PTPRJ: variants seen among roughly 807,000 people sequenced by gnomAD.
The protein encoded by PTPRJ is receptor-type tyrosine-protein phosphatase eta.
Under a neutral mutation model 141.3 loss-of-function variants are expected in PTPRJ, and 129 were observed. The ratio of observed to expected loss-of-function variants is 0.91; its 90% confidence interval spans 0.79 to 1.06. The LOEUF is 1.06. PTPRJ is among the 50% of genes least tolerant of loss of function. The probability of loss-of-function intolerance (pLI) is 0.00; values close to 1 mark genes in which losing one functional copy is unlikely to be tolerated. For synonymous variants in PTPRJ, 610 were observed against 640.5 expected, an observed-to-expected ratio of 0.95 and a Z score of 0.72; for missense variants, 1,601 against 1,679.7, an observed-to-expected ratio of 0.95 and a Z score of 0.82.
At chr11:48,045,854 G>A (rs897854075) in intron 1 of PTPRJ, among the ~76,000 whole-genome samples, 10 of 152,156 alleles carry the variant, frequency 6.6e-5, no homozygotes, top group African/African-American at 2.2e-4. Context: ...ATGTGTTCCC[G>A]TGAGTGGAGG....
intron 24 of PTPRJ, among the ~76,000 whole-genome samples, chr11:48,165,865 C>CT (rs145510713): frequency 2.9e-3 from 426 of 147,928 alleles, no homozygotes; most frequent in African/African-American, 6.8e-3. Flanking sequence ...TTTCTCTCCT[C>CT]TTTTTTTTTT....
chr11:48,116,937 C>T (rs541971970), intron 3 of PTPRJ, among the ~76,000 whole-genome samples: 6 of 152,272 alleles, frequency 3.9e-5, no homozygotes, highest in African/African-American at 1.4e-4. Flanking sequence ...CCATAACCTC[C>T]TTCATGAAAT....
chr11:48,059,109 C>T (rs80172639), intron 1 of PTPRJ, among the ~76,000 whole-genome samples: 1 of 125,930 alleles, frequency 7.9e-6, no homozygotes, highest in African/African-American at 3.5e-5. Flanking sequence ...CTGTGCTGTG[C>T]CTTTTTTTTT....
intron 11 of PTPRJ, among the ~76,000 whole-genome samples, chr11:48,142,412 TTTA>T (rs1176339769): frequency 6.6e-6 from 1 of 152,170 alleles, no homozygotes; most frequent in Non-Finnish European, 1.5e-5. Flanking sequence ...GAGCATTGAA[TTTA>T]TAGATCGCTT....
chr11:48,166,331 T>G (rs1857916875), intron 24 of PTPRJ, among the ~76,000 whole-genome samples: 1 of 151,890 alleles, frequency 6.6e-6, no homozygotes, highest in South Asian at 2.1e-4. Flanking sequence ...GTTTTTTTTT[T>G]GAGATGGAGT....
chr11:48,156,361 G>A (rs567566820), intron 21 of PTPRJ, among the ~76,000 whole-genome samples: 19 of 151,620 alleles, frequency 1.3e-4, no homozygotes, highest in South Asian at 6.2e-4. Context: ...TGTTTATTAC[G>A]TTGCTGCTGG....
chr11:47,994,306 C>T (rs562890256), intron 1 of PTPRJ, among the ~76,000 whole-genome samples: 1 of 152,168 alleles, frequency 6.6e-6, no homozygotes, highest in East Asian at 1.9e-4. Context: ...TCTATTTATA[C>T]TACAATAGGA....
chr11:48,113,943 G>GT (rs1210551915), intron 3 of PTPRJ, among the ~76,000 whole-genome samples: 1 of 152,122 alleles, frequency 6.6e-6, no homozygotes, highest in Admixed American at 6.5e-5. Context: ...AGACCACAGT[G>GT]TTTAAGAATT....
At chr11:48,061,795 C>G (rs1854933979) in intron 1 of PTPRJ, among the ~76,000 whole-genome samples, 1 of 152,018 alleles carries the variant, frequency 6.6e-6, no homozygotes, top group African/African-American at 2.4e-5. Context: ...GGGCCGAATG[C>G]TTTATGTTCA....
In PTPRJ at chr11:48,053,792, G is replaced by T. The variant is rs945484512; in HGVS notation, c.97-56266G>T. On this transcript the variant is annotated intron_variant, in intron 1 of 24. Transcript: ENST00000418331. ...GGGTTTCACCATGTTGGCCAGGCTGGTGTCGAACTCCTGACCTCATGATCC... is the reference window on the plus strand; with the variant it reads ...GGGTTTCACCATGTTGGCCAGGCTGTTGTCGAACTCCTGACCTCATGATCC... 4.0e-5 allele frequency among the ~76,000 whole-genome samples: 6 copies of T among 150,754 alleles called. No homozygotes were observed. The Admixed American group carries it at 4.0e-4, about 10-fold the overall frequency.
intron 1 of PTPRJ, among the ~76,000 whole-genome samples, chr11:48,064,580 C>T (rs1056746355): frequency 3.9e-5 from 6 of 152,138 alleles, no homozygotes; most frequent in South Asian, 4.1e-4. Context: ...AAGCCCACTA[C>T]GAAGCCCGAG....
At chr11:48,149,145 A>C (rs1857418512) in intron 15 of PTPRJ, among the ~76,000 whole-genome samples, 1 of 152,266 alleles carries the variant, frequency 6.6e-6, no homozygotes, top group South Asian at 2.1e-4. Context: ...CTTGCTTTAC[A>C]TTAAAGTAAT....
At chr11:48,115,713 A>G (rs1856548276) in intron 3 of PTPRJ, among the ~76,000 whole-genome samples, 1 of 152,242 alleles carries the variant, frequency 6.6e-6, no homozygotes, top group Non-Finnish European at 1.5e-5. Flanking sequence ...TACTTAAAAA[A>G]TAATAACTAC....
intron 1 of PTPRJ, among the ~76,000 whole-genome samples, chr11:48,098,517 C>CTTT (rs762125208): frequency 0.014 from 522 of 36,354 alleles, 156 homozygotes; most frequent in South Asian, 0.029. Flanking sequence ...CATTTTATCT[C>CTTT]TTTTTTTTTT....
chr11:48,039,149 C>CAAA (rs779545929), intron 1 of PTPRJ, among the ~76,000 whole-genome samples: 12 of 89,230 alleles, frequency 1.3e-4, no homozygotes, highest in African/African-American at 4.5e-4. Context: ...GAGTCTGTCT[C>CAAA]AAAAAAAAAA....
chr11:47,990,820 A>T (rs1854173273), intron 1 of PTPRJ, among the ~76,000 whole-genome samples: 1 of 150,884 alleles, frequency 6.6e-6, no homozygotes, highest in South Asian at 2.1e-4. Flanking sequence ...CTGGGACTAT[A>T]GGCGCCCGCC....
At chr11:48,139,934 A>G (rs887074750) in intron 11 of PTPRJ, among the ~76,000 whole-genome samples, 158 bp downstream of exon 11, 1 of 152,240 alleles carries the variant, frequency 6.6e-6, no homozygotes, top group African/African-American at 2.4e-5. Flanking sequence ...TTCTCATTCT[A>G]TAGAAATCAA....
intron 1 of PTPRJ, among the ~76,000 whole-genome samples, chr11:48,006,900 GAGTC>G (rs963620608): frequency 9.2e-5 from 14 of 152,064 alleles, no homozygotes; most frequent in African/African-American, 3.1e-4. Context: ...GGCTTGTTAT[GAGTC>G]AGTCATTTTT....
At chr11:48,166,278 C>A (rs769734219) in intron 24 of PTPRJ, among the ~76,000 whole-genome samples, 51 of 151,934 alleles carry the variant, frequency 3.4e-4, no homozygotes, top group Admixed American at 1.3e-4. Flanking sequence ...TAAACACACA[C>A]ACACACACAC....
Sources: allele counts gnomAD v4.1 joint callset (sites outside exome capture counted in the v4.1 genomes callset), GRCh38; gene constraint gnomAD v4.1.1; transcripts MANE v1.5; gene names NCBI Gene and HGNC (gene_info 2026-07-23, HGNC 2026-07-21).